LRRC4C: variants seen among roughly 807,000 people sequenced by gnomAD.
LRRC4C encodes leucine rich repeat containing 4C, also known as leucine-rich repeat-containing protein 4C.
LRRC4C carries 5 observed loss-of-function variants against 33.6 expected under a neutral mutation model. That is an observed-to-expected ratio of 0.15 (90% confidence interval 0.08 to 0.31). LRRC4C has a LOEUF of 0.31. Ranked by LOEUF, LRRC4C falls within the 10% of genes least tolerant of loss-of-function variation. The probability of loss-of-function intolerance (pLI) is 1.00; values close to 1 mark genes in which losing one functional copy is unlikely to be tolerated. For synonymous variants in LRRC4C, 329 were observed against 302.0 expected, an observed-to-expected ratio of 1.09 and a Z score of -0.93; for missense variants, 560 against 796.7, an observed-to-expected ratio of 0.70 and a Z score of 3.58.
At chr11:40,467,782 T>C (rs944038465) in intron 3 of LRRC4C, among the ~76,000 whole-genome samples, 3 of 152,230 alleles carry the variant, frequency 2.0e-5, no homozygotes, top group Admixed American at 1.3e-4. Context: ...ATATGCTCTA[T>C]GGAAAACAGA....
intron 1 of LRRC4C, among the ~76,000 whole-genome samples, chr11:41,030,319 G>C (rs1295825325): frequency 1.3e-5 from 2 of 151,808 alleles, no homozygotes; most frequent in South Asian, 2.1e-4. Flanking sequence ...TTAAACCTAA[G>C]GGAGAAAATA....
chr11:41,282,222 A>AT (rs1337093362), intron 1 of LRRC4C, among the ~76,000 whole-genome samples: 1 of 152,210 alleles, frequency 6.6e-6, no homozygotes, highest in African/African-American at 2.4e-5. Flanking sequence ...CTGGACTGAG[A>AT]TTTTAAGTGT....
intron 1 of LRRC4C, among the ~76,000 whole-genome samples, chr11:40,990,154 C>T (rs1853410029): frequency 6.8e-6 from 1 of 147,156 alleles, no homozygotes; most frequent in African/African-American, 2.5e-5. Flanking sequence ...ACCTAACTTC[C>T]TTTTACAGTA....
chr11:41,226,463 T>C (rs1947539140), intron 1 of LRRC4C, among the ~76,000 whole-genome samples: 2 of 152,118 alleles, frequency 1.3e-5, no homozygotes, highest in Admixed American at 6.6e-5. Context: ...CTTTTACAGA[T>C]AAATCTGAAG....
intron 1 of LRRC4C, among the ~76,000 whole-genome samples, chr11:40,978,324 C>A (rs1852236672): frequency 6.6e-6 from 1 of 152,198 alleles, no homozygotes. Flanking sequence ...AAGGTACTGG[C>A]AAAGCCAACT....
intron 5 of LRRC4C, among the ~76,000 whole-genome samples, chr11:40,215,044 A>G (rs1244409952): frequency 6.6e-6 from 1 of 152,108 alleles, no homozygotes; most frequent in Non-Finnish European, 1.5e-5. Context: ...CAATGATGCA[A>G]ATCTGCCACT....
At chr11:41,081,486 G>A (rs1038448944) in intron 1 of LRRC4C, among the ~76,000 whole-genome samples, 2 of 152,080 alleles carry the variant, frequency 1.3e-5, no homozygotes, top group African/African-American at 4.8e-5. Context: ...AGGTATTTCT[G>A]CTTGAGGAGT....
chr11:40,905,336 A>G (rs982019472), intron 2 of LRRC4C, among the ~76,000 whole-genome samples: 3 of 152,016 alleles, frequency 2.0e-5, no homozygotes, highest in Non-Finnish European at 2.9e-5. Flanking sequence ...CCCTACCCTT[A>G]TCCCAGAATA....
At chr11:40,413,746 G>A (rs1003448086) in intron 3 of LRRC4C, among the ~76,000 whole-genome samples, 2 of 152,022 alleles carry the variant, frequency 1.3e-5, no homozygotes, top group African/African-American at 4.8e-5. Flanking sequence ...AGCCCAGAAT[G>A]GAAAAGTAAC....
At chr11:41,164,008 C>T (rs566935249) in intron 1 of LRRC4C, among the ~76,000 whole-genome samples, 1 of 152,012 alleles carries the variant, frequency 6.6e-6, no homozygotes, top group Non-Finnish European at 1.5e-5. Context: ...TGATACAAGC[C>T]TATAGTGTGT....
At chr11:41,195,205 C>A (rs1168347558) in intron 1 of LRRC4C, among the ~76,000 whole-genome samples, 2 of 152,090 alleles carry the variant, frequency 1.3e-5, no homozygotes, top group Non-Finnish European at 2.9e-5. Context: ...ACAAAACACA[C>A]TGTGTGTGCA....
intron 1 of LRRC4C, among the ~76,000 whole-genome samples, chr11:40,971,255 T>C (rs1851707173): frequency 1.3e-5 from 2 of 152,118 alleles, no homozygotes; most frequent in African/African-American, 4.8e-5. Flanking sequence ...AAGGGAAGAA[T>C]GTTATGGTGG....
chr11:41,424,343 C>A (rs1464363259), intron 1 of LRRC4C, among the ~76,000 whole-genome samples: 1 of 152,036 alleles, frequency 6.6e-6, no homozygotes, highest in Non-Finnish European at 1.5e-5. Flanking sequence ...TTCTCACAAC[C>A]TTCAGATTTT....
At chr11:40,618,843 G>T (rs1263978257) in intron 3 of LRRC4C, among the ~76,000 whole-genome samples, 1 of 151,730 alleles carries the variant, frequency 6.6e-6, no homozygotes, top group Non-Finnish European at 1.5e-5. Context: ...CCACTGAATG[G>T]CTGCATAAAT....
At chr11:40,835,697 C>A (rs564008105) in intron 2 of LRRC4C, among the ~76,000 whole-genome samples, 1 of 152,178 alleles carries the variant, frequency 6.6e-6, no homozygotes, top group South Asian at 2.1e-4. Flanking sequence ...CAAAGAAAGA[C>A]ATAAGCCCAT....
At chr11:41,309,546 C>T (rs971717579) in intron 1 of LRRC4C, among the ~76,000 whole-genome samples, 1 of 152,188 alleles carries the variant, frequency 6.6e-6, no homozygotes, top group East Asian at 1.9e-4. Context: ...AACTCATGTA[C>T]ACAGTTCACC....
chr11:40,309,967 G>C (rs561622846), intron 4 of LRRC4C, among the ~76,000 whole-genome samples: 2 of 152,214 alleles, frequency 1.3e-5, no homozygotes, highest in East Asian at 3.9e-4. Flanking sequence ...TGGAGTCAGG[G>C]GAATAAAAGG....
At chr11:41,363,850 G>A (rs983649126) in intron 1 of LRRC4C, among the ~76,000 whole-genome samples, 1 of 152,074 alleles carries the variant, frequency 6.6e-6, no homozygotes, top group Non-Finnish European at 1.5e-5. Context: ...CCTGCTTTCT[G>A]ACTAACAGAA....
intron 2 of LRRC4C, among the ~76,000 whole-genome samples, chr11:40,698,822 A>G (rs900705741): frequency 6.6e-6 from 1 of 152,134 alleles, no homozygotes; most frequent in African/African-American, 2.4e-5. Flanking sequence ...ATCAAGTGAA[A>G]GGGGAAACCC....
Sources: allele counts gnomAD v4.1 joint callset (sites outside exome capture counted in the v4.1 genomes callset), GRCh38; gene constraint gnomAD v4.1.1; transcripts MANE v1.5; gene names NCBI Gene and HGNC (gene_info 2026-07-23, HGNC 2026-07-21).